Variants in APBA1 observed in about 807,000 individuals in gnomAD.
APBA1 encodes amyloid-beta A4 precursor protein-binding family A member 1.
Under a neutral mutation model 86.6 loss-of-function variants are expected in APBA1, and 55 were observed. That is an observed-to-expected ratio of 0.64 (90% confidence interval 0.51 to 0.80). The LOEUF (loss-of-function observed/expected upper bound fraction) is 0.80, where lower values mean the gene tolerates loss of function less well. APBA1 is among the 30% of genes least tolerant of loss of function. APBA1 has a pLI of 0.00. For missense variants in APBA1, 1,090 were observed against 1,183.0 expected (o/e 0.92, Z 1.15); for synonymous variants, 511 against 493.9 (o/e 1.03, Z -0.46).
chr9:69,669,994 G>A (rs962435219), intron 1 of APBA1, among the ~76,000 whole-genome samples: 1 of 152,034 alleles, frequency 6.6e-6, no homozygotes, highest in Admixed American at 6.6e-5. Flanking sequence ...CTCTTAGAAT[G>A]GCTTTTAAAT....
At chr9:69,495,957 G>C (rs1474648436) in intron 2 of APBA1, among the ~76,000 whole-genome samples, 3 of 152,104 alleles carry the variant, frequency 2.0e-5, no homozygotes, top group African/African-American at 7.2e-5. Flanking sequence ...GTCTGAATAA[G>C]GGGTATGGCA....
Position 69,516,104 on chromosome 9 carries a change from G to A in APBA1, c.1107C>T (p.Tyr369=). The A allele has an allele frequency of 6.2e-7, 1 of 1,613,694 alleles. No individual in the cohort carries two copies. Among genetic ancestry groups the A allele is most frequent in the African/African-American group, 1.3e-5 (1 of 75,002 alleles). ...EVKTRTIRSP[Y]TPDEPKEPIW... ...TGGGCTCTTTGGGCTCGTCGGGGGTGTAAGGCGAACGGATGGTCCTGGTTT... is the reference window on the plus strand; with the variant it reads ...TGGGCTCTTTGGGCTCGTCGGGGGTATAAGGCGAACGGATGGTCCTGGTTT... Residue 369 remains tyrosine, a synonymous_variant, in exon 2 of 13, where the codon TAC becomes TAT. Transcript: ENST00000265381. The surrounding 1 kb of genome is among the most constrained non-coding windows in gnomAD (Gnocchi z 7.3).
intron 2 of APBA1, among the ~76,000 whole-genome samples, chr9:69,501,140 A>G (rs1183186414): frequency 1.3e-5 from 2 of 152,062 alleles, no homozygotes; most frequent in Non-Finnish European, 1.5e-5. Context: ...TCAATATGAG[A>G]AACAACAGGA....
At chr9:69,496,974 A>T (rs538322684) in intron 2 of APBA1, among the ~76,000 whole-genome samples, 1 of 152,168 alleles carries the variant, frequency 6.6e-6, no homozygotes, top group Non-Finnish European at 1.5e-5. Context: ...CTCAGAAATG[A>T]CCAGCACACG....
At chr9:69,494,620 G>A (rs1447640645) in intron 2 of APBA1, 4 of 152,060 alleles carry the variant, frequency 2.6e-5, no homozygotes, top group African/African-American at 7.2e-5. Context: ...AATGAAATGC[G>A]CTACAATTTG....
chr9:69,475,322 A>T (rs1053588512), intron 3 of APBA1, among the ~76,000 whole-genome samples: 2 of 152,238 alleles, frequency 1.3e-5, no homozygotes, highest in African/African-American at 2.4e-5. Flanking sequence ...AGTTAATTAA[A>T]ATGGGATAAA....
At chr9:69,444,936 C>CTCTA (rs1343954756) in intron 10 of APBA1, among the ~76,000 whole-genome samples, 1 of 152,182 alleles carries the variant, frequency 6.6e-6, no homozygotes, top group Non-Finnish European at 1.5e-5. Context: ...ACCCTTTTCT[C>CTCTA]TCTAATCACA....
At chr9:69,487,552 T>C (rs899090416) in intron 2 of APBA1, among the ~76,000 whole-genome samples, 8 of 152,142 alleles carry the variant, frequency 5.3e-5, no homozygotes, top group East Asian at 1.9e-4. Context: ...GGCAGAACTT[T>C]TGGGAGGTGA....
intron 2 of APBA1, among the ~76,000 whole-genome samples, chr9:69,491,984 C>T (rs1208118743): frequency 2.6e-5 from 4 of 151,928 alleles, no homozygotes; most frequent in Admixed American, 1.3e-4. Flanking sequence ...AGGATGGTCT[C>T]GAACTCCTGA....
Position 69,556,240 on chromosome 9 carries a change from C to A in APBA1, c.-69-38961G>T, listed in dbSNP as rs980550859. On this transcript the variant is annotated intron_variant, in intron 1 of 12. Transcript: ENST00000265381. ...CCACTTTATATCAAGTGGAAAATAT[C>A]GAATCAGTTCAAATATATCTGGATC... Among the ~76,000 whole-genome samples the A allele has an allele frequency of 2.0e-5, 3 of 152,094 alleles. No homozygotes were observed. The South Asian group carries it at 6.2e-4, about 32-fold the overall frequency.
chr9:69,538,886 C>G (rs903155530), intron 1 of APBA1, among the ~76,000 whole-genome samples: 1 of 152,210 alleles, frequency 6.6e-6, no homozygotes, highest in Admixed American at 6.5e-5. Flanking sequence ...CCCTTCTGCT[C>G]CACTGAATCA....
Position 69,534,922 on chromosome 9 carries a change from G to A in APBA1, c.-69-17643C>T, listed in dbSNP as rs78099799. Among the ~76,000 whole-genome samples the A allele has an allele frequency of 7.4e-3, 1,118 of 151,820 alleles. 9 individuals are homozygous for A. The highest frequency in any genetic ancestry group is 0.025 in the African/African-American group (1,035 of 41,406). On this transcript the variant is annotated intron_variant, in intron 1 of 12. Transcript: ENST00000265381. ...ATGTTTAATAATTATATTTTTATTC[G>A]TTACATTTGTAATTTTAAATACTAT...
rs748952971 is a variant in APBA1, at chr9:69,516,323, G to A, written c.888C>T (p.Ala296=). 1.3e-6 allele frequency: 2 copies of A among 1,592,016 alleles called. No individual in the cohort carries two copies. The highest frequency in any genetic ancestry group is 1.1e-5 in the South Asian group (1 of 89,920). The change falls in exon 2 of 13, where the codon GCC becomes GCT. Residue 296 remains alanine, a synonymous_variant. Transcript: ENST00000265381. The surrounding 1 kb of genome is among the most constrained non-coding windows in gnomAD (Gnocchi z 7.3). ...LDKAAEDMPE[A]EQDLERPPTP... ...TAGGGGGACGCTCCAGGTCCTGCTC[G>A]GCCTCAGGCATGTCCTCGGCTGCCT...
rs1834808323 is a variant in APBA1 at position 69,440,893 on chromosome 9, C to T, written c.2301+103G>A. 3.6e-6 allele frequency: 5 copies of T among 1,405,884 alleles called. 1 individual carries two copies. The highest frequency in any genetic ancestry group is 1.3e-5 in the South Asian group (1 of 76,380). 87.1% of individuals were successfully genotyped at this position (1,405,884 alleles called of 1,614,324 possible). A position where few individuals can be genotyped will look rare whatever the true frequency, so the allele number is the denominator to read the frequency against. ...CATCACTCACGCTGGGAGTTGTAGACTGGAGCTGTTCCTATTTAGCCATCT... is the reference window on the plus strand; with the variant it reads ...CATCACTCACGCTGGGAGTTGTAGATTGGAGCTGTTCCTATTTAGCCATCT... On this transcript the variant is annotated intron_variant, in intron 11 of 12. Coordinates refer to ENST00000265381, the MANE Select transcript of APBA1 (RefSeq NM_001163.4).
chr9:69,484,856 A>C (rs1276885602), intron 2 of APBA1, among the ~76,000 whole-genome samples: 1 of 152,278 alleles, frequency 6.6e-6, no homozygotes, highest in Non-Finnish European at 1.5e-5. Context: ...TAGGAAGCAG[A>C]TATGTTACAG....
chr9:69,616,890 T>C (rs1324651046), intron 1 of APBA1, among the ~76,000 whole-genome samples: 1 of 152,146 alleles, frequency 6.6e-6, no homozygotes, highest in African/African-American at 2.4e-5. Flanking sequence ...GGAGTCATAT[T>C]TTAAGATGTT....
At chr9:69,628,601 ATC>A (rs1822978440) in intron 1 of APBA1, among the ~76,000 whole-genome samples, 1 of 152,188 alleles carries the variant, frequency 6.6e-6, no homozygotes, top group South Asian at 2.1e-4. Flanking sequence ...TCCAAAGAAT[ATC>A]TATTAGCTTT....
chr9:69,653,263 A>G (rs909018590), intron 1 of APBA1, among the ~76,000 whole-genome samples: 1 of 152,220 alleles, frequency 6.6e-6, no homozygotes, highest in African/African-American at 2.4e-5. Flanking sequence ...GGATATAACA[A>G]TTCTAAATAT....
At chr9:69,523,302 G>A (rs1031329493) in intron 1 of APBA1, among the ~76,000 whole-genome samples, 2 of 151,572 alleles carry the variant, frequency 1.3e-5, no homozygotes, top group African/African-American at 2.4e-5. Context: ...GTTAGAAGAA[G>A]GGTCAGACAT....
Sources: allele counts gnomAD v4.1 joint callset (sites outside exome capture counted in the v4.1 genomes callset), GRCh38; gene constraint gnomAD v4.1.1; non-coding constraint Gnocchi (gnomAD v3.1); transcripts MANE v1.5; gene names NCBI Gene and HGNC (gene_info 2026-07-23, HGNC 2026-07-21).